The following DCC variants were observed in gnomAD, a reference collection of about 807,000 sequenced individuals.
DCC encodes the protein netrin receptor DCC.
In DCC, 58 loss-of-function variants were observed where a neutral mutation model predicts 172.5. That is an observed-to-expected ratio of 0.34 (90% CI 0.27 to 0.42). The LOEUF (loss-of-function observed/expected upper bound fraction) is 0.42, where lower values mean the gene tolerates loss of function less well. Among genes scored for constraint, DCC ranks in the 10% least tolerant of loss-of-function variants. DCC has a pLI of 1.00. For missense variants in DCC, 1,740 were observed against 1,791.0 expected (o/e 0.97, Z 0.51); for synonymous variants, 709 against 644.5 (o/e 1.10, Z -1.52).
intron 27 of DCC, among the ~76,000 whole-genome samples, chr18:53,504,580 G>A (rs905562279): frequency 6.6e-6 from 1 of 152,096 alleles, no homozygotes; most frequent in Non-Finnish European, 1.5e-5. Context: ...AGGATGATTC[G>A]ATTTGGTCTG....
intron 12 of DCC, among the ~76,000 whole-genome samples, chr18:53,267,175 GAGAGAC>G (rs1027819922): frequency 9.9e-5 from 15 of 151,656 alleles, no homozygotes; most frequent in African/African-American, 1.7e-4. Context: ...GACAGAGACA[GAGAGAC>G]AGAGACAGAG....
chr18:52,805,544 C>G (rs557905890), intron 2 of DCC, among the ~76,000 whole-genome samples: 1 of 152,148 alleles, frequency 6.6e-6, no homozygotes, highest in Admixed American at 6.5e-5. Context: ...ATGTGCTGGA[C>G]AGCCAGGTAA....
At chr18:52,600,895 G>A (rs1011830089) in intron 1 of DCC, among the ~76,000 whole-genome samples, 86 of 152,136 alleles carry the variant, frequency 5.7e-4, no homozygotes, top group African/African-American at 2.0e-3. Flanking sequence ...TGTGTTAAAA[G>A]TCTCATCCCT....
intron 2 of DCC, among the ~76,000 whole-genome samples, chr18:52,865,598 C>T (rs2039213586): frequency 6.6e-6 from 1 of 151,476 alleles, no homozygotes; most frequent in East Asian, 1.9e-4. Context: ...CTCTAATGAC[C>T]AGTGATGATG....
In DCC at chr18:52,680,790, G is replaced by C. The variant is rs145165740; in HGVS notation, c.92-71264G>C. Among the ~76,000 whole-genome samples the C allele has an allele frequency of 6.2e-3, 938 of 152,006 alleles. 12 individuals carry two copies. Among genetic ancestry groups the C allele is most frequent in the Middle Eastern group, 0.014 (4 of 294 alleles). On this transcript the variant is annotated intron_variant, in intron 1 of 28. Transcript: ENST00000442544. ...ATTCCCTGTCTTAGATGTTGTTAAA[G>C]GAAAAAATCTCTTCTTACACTGCCC...
intron 7 of DCC, among the ~76,000 whole-genome samples, chr18:53,089,321 A>C (rs1307211710): frequency 1.3e-5 from 2 of 151,992 alleles, no homozygotes; most frequent in African/African-American, 4.8e-5. Flanking sequence ...CCTGACCTCA[A>C]ATGATCTTCC....
chr18:53,123,341 C>G (rs1322102907), intron 7 of DCC, among the ~76,000 whole-genome samples: 5 of 151,920 alleles, frequency 3.3e-5, no homozygotes, highest in Non-Finnish European at 7.4e-5. Flanking sequence ...ACAATATAGA[C>G]AAGACCTACA....
At chr18:52,590,247 A>G (rs2033770322) in intron 1 of DCC, among the ~76,000 whole-genome samples, 1 of 151,944 alleles carries the variant, frequency 6.6e-6, no homozygotes, top group Non-Finnish European at 1.5e-5. Context: ...GCTGTATGTT[A>G]ACATTATCAT....
chr18:52,576,339 C>T (rs750891481), intron 1 of DCC, among the ~76,000 whole-genome samples: 2 of 152,098 alleles, frequency 1.3e-5, no homozygotes, highest in Admixed American at 1.3e-4. Context: ...AATTGACTAG[C>T]GGGATTAAGG....
At chr18:53,503,766 T>TATATCATAATACTCTTTTATAAC (rs1358522360) in intron 27 of DCC, among the ~76,000 whole-genome samples, 1 of 152,246 alleles carries the variant, frequency 6.6e-6, no homozygotes, top group East Asian at 1.9e-4. Flanking sequence ...TAGTGACCTT[T>TATATCATAATACTCTTTTATAAC]ATATCATAAT....
At chr18:52,496,751 G>C (rs1394637198) in intron 1 of DCC, among the ~76,000 whole-genome samples, 1 of 152,058 alleles carries the variant, frequency 6.6e-6, no homozygotes, top group East Asian at 1.9e-4. Flanking sequence ...CATTTATTTT[G>C]TAGCCTTTGG....
intron 2 of DCC, among the ~76,000 whole-genome samples, chr18:52,840,085 AGGGGGT>A (rs1305908449): frequency 6.6e-6 from 1 of 152,116 alleles, no homozygotes; most frequent in Non-Finnish European, 1.5e-5. Flanking sequence ...GAAGGCTCCC[AGGGGGT>A]GCAGATGTTG....
At chr18:52,564,310 T>A (rs2144745779) in intron 1 of DCC, among the ~76,000 whole-genome samples, 1 of 152,214 alleles carries the variant, frequency 6.6e-6, no homozygotes, top group South Asian at 2.1e-4. Context: ...AGAGATGAAG[T>A]TATTTTGAAA....
In DCC at chr18:53,023,410, A is replaced by C. The variant is rs868710777; in HGVS notation, c.986-39895A>C. ...CATATATAACTCAGACCAAAAAAAA[A>C]AAAAAAAAAAAAAAAAAAAGATTCT... is the stretch of plus-strand genomic sequence containing the variant. On this transcript the variant is annotated intron_variant, in intron 5 of 28. Transcript: ENST00000442544. Among the ~76,000 whole-genome samples, 139 of 33,860 alleles carry C rather than the reference A, an allele frequency of 4.1e-3. 3 individuals are homozygous for C. The highest frequency in any genetic ancestry group is 0.012 in the African/African-American group (105 of 9,094). The allele number at this position is 33,860 out of a possible 152,430, so 22.2% of individuals were successfully genotyped here. A position where few individuals can be genotyped will look rare whatever the true frequency, so the allele number is the denominator to read the frequency against.
intron 1 of DCC, among the ~76,000 whole-genome samples, chr18:52,541,875 G>GTATATATATATATATATATATATATATA (rs765428849): frequency 7.8e-5 from 9 of 115,200 alleles, no homozygotes; most frequent in East Asian, 2.6e-4. Context: ...GTGTGTGTGT[G>GTATATATATATATATATATATATATATA]TATATATATA....
chr18:52,946,409 G>C lies in DCC; in HGVS notation c.985+21039G>C, dbSNP rs185326386. 7.2e-5 allele frequency among the ~76,000 whole-genome samples: 11 copies of C among 152,294 alleles called. No individual in the cohort carries two copies. The East Asian group carries it at 2.1e-3, about 29-fold the overall frequency. ...TCCTATTTCCCTTCTGTACTACGTA[G>C]GTATTGCCGCAATAATACTGTCTAA... On this transcript the variant is annotated intron_variant, in intron 5 of 28. Coordinates refer to ENST00000442544, the MANE Select transcript of DCC (RefSeq NM_005215.4).
intron 3 of DCC, among the ~76,000 whole-genome samples, chr18:52,909,803 A>G (rs1042374516): frequency 6.6e-6 from 1 of 152,174 alleles, no homozygotes; most frequent in Non-Finnish European, 1.5e-5. Flanking sequence ...GCCCTACAAA[A>G]GCTTATAGTC....
intron 1 of DCC, among the ~76,000 whole-genome samples, chr18:52,610,170 AAAAAAAAAAT>A (rs2034233120): frequency 1.6e-4 from 4 of 24,628 alleles, no homozygotes; most frequent in Non-Finnish European, 2.8e-4. Context: ...AAAAAAAAAA[AAAAAAAAAAT>A]ATATATATAT....
intron 2 of DCC, among the ~76,000 whole-genome samples, chr18:52,813,645 T>A (rs2038239554): frequency 6.6e-6 from 1 of 152,174 alleles, no homozygotes; most frequent in South Asian, 2.1e-4. Flanking sequence ...ACATCATTCT[T>A]GGTATATCTG....
Sources: gnomAD v4.1 joint callset for allele counts (sites outside exome capture counted in the v4.1 genomes callset) on GRCh38, gnomAD v4.1.1 for gene constraint, MANE v1.5 for transcripts, NCBI Gene and HGNC (gene_info 2026-07-23, HGNC 2026-07-21) for gene names.